Variants in NEGR1 observed in about 807,000 individuals in gnomAD.
NEGR1 encodes neuronal growth regulator 1.
Under a neutral mutation model 40.9 loss-of-function variants are expected in NEGR1, and 10 were observed. The observed-to-expected ratio is 0.24, with a 90% CI of 0.15 to 0.42. The LOEUF is 0.42. NEGR1 is among the 10% of genes least tolerant of loss of function. The probability of loss-of-function intolerance (pLI) is 1.00; values close to 1 mark genes in which losing one functional copy is unlikely to be tolerated. For synonymous variants in NEGR1, 185 were observed against 166.8 expected (o/e 1.11, Z -0.84); for missense variants, 352 against 438.9 (o/e 0.80, Z 1.77).
intron 1 of NEGR1, among the ~76,000 whole-genome samples, chr1:72,218,557 T>C (rs1332414706): frequency 6.6e-6 from 1 of 152,010 alleles, no homozygotes; most frequent in Non-Finnish European, 1.5e-5. Flanking sequence ...AAAAACTGAA[T>C]TAACATATAA....
chr1:71,981,172 G>A (rs1446337679), intron 1 of NEGR1, among the ~76,000 whole-genome samples: 1 of 152,148 alleles, frequency 6.6e-6, no homozygotes, highest in African/African-American at 2.4e-5. Flanking sequence ...TACATGGAAA[G>A]CTATAATTCT....
chr1:72,256,845 AAC>A (rs1255049157), intron 1 of NEGR1, among the ~76,000 whole-genome samples: 2 of 152,226 alleles, frequency 1.3e-5, no homozygotes, highest in East Asian at 3.9e-4. Flanking sequence ...CTTCTAAAGT[AAC>A]ACAAATACTA....
At chr1:72,169,863 T>C (rs750050665) in intron 1 of NEGR1, among the ~76,000 whole-genome samples, 2 of 152,096 alleles carry the variant, frequency 1.3e-5, no homozygotes. Flanking sequence ...GAAAGACAAA[T>C]GAAAGACTTA....
At chr1:71,830,660 A>G (rs1263087258) in intron 2 of NEGR1, among the ~76,000 whole-genome samples, 1 of 151,986 alleles carries the variant, frequency 6.6e-6, no homozygotes, top group Non-Finnish European at 1.5e-5. Flanking sequence ...AGAAAGGAGG[A>G]TAGGGAATAA....
chr1:71,694,622 T>G (rs1305500847), intron 4 of NEGR1, among the ~76,000 whole-genome samples: 1 of 151,868 alleles, frequency 6.6e-6, no homozygotes, highest in African/African-American at 2.4e-5. Context: ...GTGACAGGTA[T>G]GATGTTATTT....
intron 1 of NEGR1, among the ~76,000 whole-genome samples, chr1:72,165,276 T>C (rs1004005308): frequency 1.1e-4 from 16 of 152,030 alleles, no homozygotes; most frequent in African/African-American, 3.9e-4. Flanking sequence ...AACCATATTT[T>C]GATATACAGA....
At chr1:71,828,134 G>A (rs577164435) in intron 2 of NEGR1, among the ~76,000 whole-genome samples, 2 of 151,884 alleles carry the variant, frequency 1.3e-5, no homozygotes, top group African/African-American at 2.4e-5. Context: ...ATATTTTGGG[G>A]TAATGGGAAT....
intron 1 of NEGR1, among the ~76,000 whole-genome samples, chr1:71,985,035 C>T (rs1421777430): frequency 6.6e-6 from 1 of 152,128 alleles, no homozygotes; most frequent in Non-Finnish European, 1.5e-5. Flanking sequence ...AGTTAATCAT[C>T]CACGATTACC....
chr1:72,154,651 G>A (rs1363743288), intron 1 of NEGR1, among the ~76,000 whole-genome samples: 1 of 151,974 alleles, frequency 6.6e-6, no homozygotes, highest in Admixed American at 6.6e-5. Flanking sequence ...ATGAACATGT[G>A]CATTCAAAGT....
intron 1 of NEGR1, among the ~76,000 whole-genome samples, chr1:72,049,232 T>C (rs1647034170): frequency 6.6e-6 from 1 of 151,482 alleles, no homozygotes; most frequent in African/African-American, 2.4e-5. Flanking sequence ...TCCCAGCTCT[T>C]CAGGAGGCTG....
At chr1:71,873,833 T>A (rs1431653383) in intron 2 of NEGR1, among the ~76,000 whole-genome samples, 3 of 152,144 alleles carry the variant, frequency 2.0e-5, no homozygotes, top group Non-Finnish European at 4.4e-5. Flanking sequence ...ATAGTTCACA[T>A]CAAAACAAAA....
At chr1:71,806,510 A>G (rs932076740) in intron 2 of NEGR1, among the ~76,000 whole-genome samples, 7 of 152,048 alleles carry the variant, frequency 4.6e-5, no homozygotes, top group African/African-American at 9.7e-5. Context: ...TTGTAAAAAA[A>G]AAAATCTAGC....
chr1:71,669,327 T>C (rs1442019002), intron 4 of NEGR1, among the ~76,000 whole-genome samples: 1 of 152,066 alleles, frequency 6.6e-6, no homozygotes, highest in Non-Finnish European at 1.5e-5. Flanking sequence ...ACTTTTAATG[T>C]ATATAATAAA....
chr1:71,651,849 C>T (rs530971721), intron 4 of NEGR1, among the ~76,000 whole-genome samples: 1 of 152,106 alleles, frequency 6.6e-6, no homozygotes, highest in African/African-American at 2.4e-5. Flanking sequence ...TGAATCCTTA[C>T]AATTTTATAA....
intron 1 of NEGR1, among the ~76,000 whole-genome samples, chr1:72,239,287 A>C (rs1654658679): frequency 6.6e-6 from 1 of 151,816 alleles, no homozygotes; most frequent in African/African-American, 2.4e-5. Flanking sequence ...AAATAAAGGC[A>C]ATCAACTCTC....
At chr1:72,026,815 T>G (rs776750849) in intron 1 of NEGR1, among the ~76,000 whole-genome samples, 10 of 152,174 alleles carry the variant, frequency 6.6e-5, no homozygotes, top group Non-Finnish European at 7.3e-5. Flanking sequence ...ATTTCTACCC[T>G]CTCCATCAAT....
chr1:71,869,268 A>G (rs1188950411), intron 2 of NEGR1, among the ~76,000 whole-genome samples: 1 of 152,224 alleles, frequency 6.6e-6, no homozygotes, highest in East Asian at 1.9e-4. Flanking sequence ...AAGTCAACTA[A>G]TACAAGTCCT....
intron 2 of NEGR1, among the ~76,000 whole-genome samples, chr1:71,791,566 T>G (rs111924827): frequency 9.2e-5 from 14 of 152,134 alleles, no homozygotes; most frequent in African/African-American, 3.4e-4. Context: ...GTTATTCATT[T>G]CATAAATACT....
chr1:71,575,927 C>T (rs1297384989), intron 6 of NEGR1, among the ~76,000 whole-genome samples: 2 of 152,212 alleles, frequency 1.3e-5, no homozygotes, highest in Non-Finnish European at 2.9e-5. Context: ...AAAGAAGCCA[C>T]GAGCCTTGTC....
Sources: allele counts gnomAD v4.1 joint callset (sites outside exome capture counted in the v4.1 genomes callset), GRCh38; gene constraint gnomAD v4.1.1; transcripts MANE v1.5; gene names NCBI Gene and HGNC (gene_info 2026-07-23, HGNC 2026-07-21).